Variants in FEZ2 observed in about 807,000 individuals in gnomAD.
FEZ2 encodes fasciculation and elongation protein zeta 2.
Under a neutral mutation model 40.4 loss-of-function variants are expected in FEZ2, and 51 were observed. That is an observed-to-expected ratio of 1.26 (90% CI 1.01 to 1.59). The LOEUF (loss-of-function observed/expected upper bound fraction) is 1.59. FEZ2 is among the 40% of genes most tolerant of loss of function. FEZ2 has a pLI of 0.00. For synonymous variants in FEZ2, 242 were observed against 172.0 expected (o/e 1.41, Z -3.18); for missense variants, 640 against 438.3 (o/e 1.46, Z -4.11).
In FEZ2 at chr2:36,591,028, C is replaced by G. The variant is rs766843388; in HGVS notation, c.267-17G>C. On this transcript the variant is annotated splice_polypyrimidine_tract_variant and intron_variant, in intron 1 of 7. Coordinates refer to ENST00000405912, the MANE Select transcript of FEZ2 (RefSeq NM_005102.3). ...TTCCAAATCCTTAAAAAGAAGAAAG[C>G]TACAATCAATGAAAATTAACATTCT... 4.2e-6 allele frequency: 6 copies of G among 1,441,576 alleles called. No individual in the cohort carries two copies. The highest frequency in any genetic ancestry group is 5.9e-6 in the Non-Finnish European group (6 of 1,024,142). The allele number at this position is 1,441,576 out of a possible 1,614,324, so 89.3% of individuals were successfully genotyped here. A position where few individuals can be genotyped will look rare whatever the true frequency, so the allele number is the denominator to read the frequency against.
At chr2:36,583,814 T>C (rs1289712317) in intron 2 of FEZ2, among the ~76,000 whole-genome samples, 1 of 152,202 alleles carries the variant, frequency 6.6e-6, no homozygotes, top group East Asian at 1.9e-4. Context: ...CTAAGATTGG[T>C]AGACGTTAAC....
intron 6 of FEZ2, chr2:36,556,134 G>A (rs1667955250): frequency 2.3e-5 from 10 of 429,548 alleles, no homozygotes; most frequent in South Asian, 1.8e-4. Flanking sequence ...AAACCTCAGT[G>A]CTGCAGATCA....
intron 2 of FEZ2, chr2:36,584,191 T>C (rs1350664627): frequency 2.6e-5 from 4 of 152,294 alleles, no homozygotes; most frequent in Non-Finnish European, 5.9e-5. Flanking sequence ...TGTATTTTGC[T>C]GTCTTCCTCC....
At chr2:36,555,986 G>A in intron 6 of FEZ2, 1 of 628,298 alleles carries the variant, frequency 1.6e-6, no homozygotes, top group Non-Finnish European at 3.0e-6. Context: ...CCTGAGAGTT[G>A]CTTCCCTGAT....
At position 36,583,406 on chromosome 2, in the gene FEZ2, G is replaced by A. The variant is rs952051038; in HGVS notation, c.439C>T (p.His147Tyr). ...DEELREQLDM[H>Y]SIIVSCVNDE... ...TTAACACAGGAGACGATGATTGAGTGCATATCCAGCTGTTCTCTCAGCTCT... is the reference window on the plus strand; with the variant it reads ...TTAACACAGGAGACGATGATTGAGTACATATCCAGCTGTTCTCTCAGCTCT... Residue 147 changes from histidine (H) to tyrosine (Y), a missense_variant, in exon 3 of 8, where the codon CAC (histidine) becomes TAC (tyrosine). Transcript: ENST00000405912. The A allele has an allele frequency of 1.9e-6, 3 of 1,609,534 alleles. No individual in the cohort carries two copies. Among genetic ancestry groups the A allele is most frequent in the Non-Finnish European group, 2.6e-6 (3 of 1,175,948 alleles).
chr2:36,569,809 T>A (rs1049722108), intron 5 of FEZ2, among the ~76,000 whole-genome samples: 2 of 152,186 alleles, frequency 1.3e-5, no homozygotes, highest in Non-Finnish European at 2.9e-5. Context: ...CAGGAAATCA[T>A]TTTAAAATCT....
chr2:36,582,982 A>C (rs1668796394), intron 3 of FEZ2, among the ~76,000 whole-genome samples: 1 of 152,200 alleles, frequency 6.6e-6, no homozygotes, highest in Non-Finnish European at 1.5e-5. Flanking sequence ...CTTTTTACCC[A>C]GGGTTTTGAA....
intron 7 of FEZ2, chr2:36,555,414 C>G (rs1667931514): frequency 3.8e-6 from 1 of 263,602 alleles, no homozygotes; most frequent in African/African-American, 2.2e-5. Context: ...TGCCATCTCA[C>G]TAATTTTCTT....
intron 5 of FEZ2, among the ~76,000 whole-genome samples, chr2:36,563,394 C>G (rs1361355687): frequency 2.0e-5 from 3 of 152,138 alleles, no homozygotes; most frequent in Admixed American, 2.0e-4. Context: ...TGACAAGACC[C>G]TACTGTCCCC....
chr2:36,581,372 G>T lies in FEZ2; in HGVS notation c.552C>A (p.Thr184=), dbSNP rs1405380082. 6.2e-7 allele frequency: 1 copy of T among 1,613,194 alleles called. No homozygotes were observed. Among genetic ancestry groups the T allele is most frequent in the Non-Finnish European group, 8.5e-7 (1 of 1,179,266 alleles). Residue 184 remains threonine (T), a synonymous_variant, in exon 4 of 8, where the codon ACC becomes ACA. Transcript: ENST00000405912. ...QESPDPEDDE[T]PTQSDRLSML... ...TTGAAAGCCGATCTGACTGTGTAGG[G>T]GTTTCATCATCTTCTGGGTCCGGTG...
At chr2:36,565,998 T>C (rs1012240236) in intron 5 of FEZ2, among the ~76,000 whole-genome samples, 1 of 152,188 alleles carries the variant, frequency 6.6e-6, no homozygotes, top group African/African-American at 2.4e-5. Flanking sequence ...GGATGGTTCA[T>C]CATTCAATCT....
intron 2 of FEZ2, 194 bp downstream of exon 2, chr2:36,590,709 G>A (rs576549589): frequency 3.1e-5 from 16 of 514,596 alleles, no homozygotes; most frequent in African/African-American, 1.4e-4. Flanking sequence ...TGAGTGTGCT[G>A]GAGAAGAACT....
chr2:36,586,358 G>A (rs925199710), intron 2 of FEZ2, among the ~76,000 whole-genome samples: 2 of 152,124 alleles, frequency 1.3e-5, no homozygotes, highest in Non-Finnish European at 2.9e-5. Flanking sequence ...ATCCGGGGTG[G>A]GCACAGTGGC....
At chr2:36,595,806 G>T (rs891227537) in intron 1 of FEZ2, among the ~76,000 whole-genome samples, 1 of 152,184 alleles carries the variant, frequency 6.6e-6, no homozygotes, top group African/African-American at 2.4e-5. Context: ...CCCAAGTCAA[G>T]AGACATGCAT....
chr2:36,569,186 C>G (rs1280181925), intron 5 of FEZ2, among the ~76,000 whole-genome samples: 1 of 152,166 alleles, frequency 6.6e-6, no homozygotes, highest in Non-Finnish European at 1.5e-5. Context: ...ATAATCCATG[C>G]AAGTACCTAG....
rs528260265 is a variant in FEZ2 at position 36,558,524 on chromosome 2, T to TAA, written c.904-13_904-12dup. On this transcript the variant is annotated splice_polypyrimidine_tract_variant and intron_variant, in intron 5 of 7. Coordinates refer to ENST00000405912, the MANE Select transcript of FEZ2 (RefSeq NM_005102.3). ...GACTGTAGTCAAATACTGCCAAGTT[T>TAA]AAAAAAAAAAAGTGTCACTTAAATC... 1.1e-4 allele frequency: 132 copies of TAA among 1,214,342 alleles called. No individual in the cohort carries two copies. The highest frequency in any genetic ancestry group is 4.0e-4 in the South Asian group (24 of 59,698). 75.2% of individuals were successfully genotyped at this position (1,214,342 alleles called of 1,614,324 possible). A position where few individuals can be genotyped will look rare whatever the true frequency, so the allele number is the denominator to read the frequency against.
rs367973864 is a variant in FEZ2 at position 36,553,305 on chromosome 2, A to C, written c.1046-126T>G. On this transcript the variant is annotated intron_variant, in intron 7 of 7. Transcript: ENST00000405912. ...GAACTAAATGTTAATGCAAAGATCTATGTAGCAATTTTTTAAAGGTTTTAA... is the reference window on the plus strand; with the variant it reads ...GAACTAAATGTTAATGCAAAGATCTCTGTAGCAATTTTTTAAAGGTTTTAA... 1.9e-3 allele frequency: 1,416 copies of C among 728,984 alleles called. 34 individuals carry two copies. The South Asian group carries it at 0.025, about 13-fold the overall frequency. 45.2% of individuals were successfully genotyped at this position (728,984 alleles called of 1,614,324 possible). A position where few individuals can be genotyped will look rare whatever the true frequency, so the allele number is the denominator to read the frequency against.
intron 1 of FEZ2, among the ~76,000 whole-genome samples, chr2:36,593,063 T>C (rs1669115437): frequency 6.6e-6 from 1 of 152,204 alleles, no homozygotes. Flanking sequence ...CATACCTTCC[T>C]GGATAAGAAA....
At chr2:36,590,784 G>A (rs1038736405) in intron 2 of FEZ2, 119 bp downstream of exon 2, 6 of 671,236 alleles carry the variant, frequency 8.9e-6, no homozygotes, top group Non-Finnish European at 1.1e-5. Context: ...CACCCAAACT[G>A]CTATAATTTC....
Sources: allele counts gnomAD v4.1 joint callset (sites outside exome capture counted in the v4.1 genomes callset), GRCh38; gene constraint gnomAD v4.1.1; transcripts MANE v1.5; gene names NCBI Gene and HGNC (gene_info 2026-07-23, HGNC 2026-07-21).